The following NCAM1 variants were observed in gnomAD, a reference collection of about 807,000 sequenced individuals.
NCAM1 encodes the protein antigen recognized by monoclonal antibody 5.1H11.
NCAM1 carries 14 observed loss-of-function variants against 109.8 expected under a neutral mutation model. The observed-to-expected ratio is 0.13, with a 90% confidence interval of 0.08 to 0.20. The LOEUF (loss-of-function observed/expected upper bound fraction) is 0.20. Ranked by LOEUF, NCAM1 falls within the 10% of genes least tolerant of loss-of-function variation. NCAM1 has a pLI of 1.00. For missense variants in NCAM1, 774 were observed against 1,109.9 expected (o/e 0.70, Z 4.30); for synonymous variants, 418 against 442.9 (o/e 0.94, Z 0.70).
chr11:113,207,844 A>G lies in NCAM1; in HGVS notation c.758A>G (p.Gln253Arg). 6.2e-7 allele frequency: 1 copy of G among 1,610,344 alleles called. No homozygotes were observed. Among genetic ancestry groups the G allele is most frequent in the Non-Finnish European group, 8.5e-7 (1 of 1,178,266 alleles). Residue 253 changes from glutamine to arginine, a missense_variant, in exon 7 of 20, where the codon CAG becomes CGG. Physicochemically the swap from Gln to Arg is conservative, Grantham distance 43 (BLOSUM62 1). Coordinates refer to ENST00000316851, the MANE Select transcript of NCAM1 (RefSeq NM_181351.5). ...PTMSWTKDGEQIEQEEDDEKY... is the reference protein window; with the variant it reads ...PTMSWTKDGERIEQEEDDEKY... ...TCTACATGCTCTAGGGATGGGGAAC[A>G]GATAGAGCAAGAGGAAGACGATGAG...
chr11:113,168,003 A>C (rs1403688599), intron 1 of NCAM1, among the ~76,000 whole-genome samples: 6 of 152,180 alleles, frequency 3.9e-5, no homozygotes, highest in Admixed American at 2.6e-4. Context: ...TTAGGGTGTG[A>C]CTGGATTCTG....
At chr11:113,104,691 T>C (rs1462325156) in intron 1 of NCAM1, among the ~76,000 whole-genome samples, 2 of 152,178 alleles carry the variant, frequency 1.3e-5, no homozygotes, top group Non-Finnish European at 2.9e-5. Context: ...TTGTCCTACA[T>C]AGCCTTATAA....
Position 113,185,591 on chromosome 11 carries a change from A to T in NCAM1, c.53-16788A>T, listed in dbSNP as rs187809320. 3.9e-5 allele frequency among the ~76,000 whole-genome samples: 6 copies of T among 152,348 alleles called. No homozygotes were observed. The East Asian group carries it at 1.2e-3, about 29-fold the overall frequency. On this transcript the variant is annotated intron_variant, in intron 1 of 19. Transcript: ENST00000316851. ...TACTTCCTAAAGTGTTACAGGGACA[A>T]ACGTGAAAACAAATGCATGAAATGG... is the stretch of plus-strand genomic sequence containing the variant.
At chr11:113,045,680 T>G (rs1301314306) in intron 1 of NCAM1, among the ~76,000 whole-genome samples, 1 of 152,256 alleles carries the variant, frequency 6.6e-6, no homozygotes, top group South Asian at 2.1e-4. Flanking sequence ...ATGAGAGAGA[T>G]AATATTTCTG....
intron 1 of NCAM1, among the ~76,000 whole-genome samples, chr11:113,183,298 C>G (rs1047890816): frequency 5.3e-5 from 8 of 152,214 alleles, no homozygotes; most frequent in African/African-American, 1.9e-4. Flanking sequence ...TCCGGATGCC[C>G]TGCCACGTGT....
intron 1 of NCAM1, among the ~76,000 whole-genome samples, chr11:113,038,133 T>G (rs1940735): frequency 0.27 from 40,408 of 152,002 alleles, 5,912 homozygotes; most frequent in East Asian, 0.53. Context: ...CAGCCAAAAA[T>G]GAAGTCCAGG....
chr11:113,003,351 A>T (rs1325222040), intron 1 of NCAM1, among the ~76,000 whole-genome samples: 3 of 152,234 alleles, frequency 2.0e-5, no homozygotes, highest in Non-Finnish European at 2.9e-5. Flanking sequence ...GTCCCAAATA[A>T]TTCATAGTGC....
At chr11:112,988,906 C>T (rs965830235) in intron 1 of NCAM1, among the ~76,000 whole-genome samples, 2 of 152,144 alleles carry the variant, frequency 1.3e-5, no homozygotes, top group African/African-American at 4.8e-5. Flanking sequence ...CACCACCACA[C>T]CTGGCCAATT....
chr11:113,078,864 T>C (rs1389754993), intron 1 of NCAM1, among the ~76,000 whole-genome samples: 1 of 152,252 alleles, frequency 6.6e-6, no homozygotes, highest in East Asian at 1.9e-4. Flanking sequence ...ATTGAGATGA[T>C]CCACTTATAT....
intron 1 of NCAM1, among the ~76,000 whole-genome samples, chr11:113,012,376 T>C (rs1186867161): frequency 6.6e-6 from 1 of 152,104 alleles, no homozygotes; most frequent in Non-Finnish European, 1.5e-5. Flanking sequence ...TGAATATAGG[T>C]TGTACACTAG....
intron 3 of NCAM1, 28 bp downstream of exon 3, chr11:113,204,532 C>T (rs2136919036): frequency 6.2e-7 from 1 of 1,604,540 alleles, no homozygotes; most frequent in East Asian, 2.2e-5. Flanking sequence ...CTTCTGCATT[C>T]TCTGGCCTCT....
chr11:113,041,095 T>A (rs1277891168), intron 1 of NCAM1: 1 of 152,204 alleles, frequency 6.6e-6, no homozygotes, highest in Non-Finnish European at 1.5e-5. Context: ...TGGTACAGAG[T>A]ATAAGTGGAG....
chr11:113,179,676 C>T (rs1011393312), intron 1 of NCAM1, among the ~76,000 whole-genome samples: 2 of 152,128 alleles, frequency 1.3e-5, no homozygotes, highest in Non-Finnish European at 2.9e-5. Context: ...TCTCATCCCC[C>T]GAAGGCAGGA....
intron 9 of NCAM1, among the ~76,000 whole-genome samples, chr11:113,230,421 C>T (rs17115204): frequency 0.079 from 12,065 of 152,216 alleles, 1,052 homozygotes; most frequent in African/African-American, 0.2. Flanking sequence ...CATTGGGGCT[C>T]AGATGACCGG....
chr11:113,162,150 G>A (rs1191698560), intron 1 of NCAM1, among the ~76,000 whole-genome samples: 1 of 152,158 alleles, frequency 6.6e-6, no homozygotes, highest in Non-Finnish European at 1.5e-5. Flanking sequence ...GCCTGAGATG[G>A]TTATGGTGTG....
chr11:113,159,174 T>C (rs1555103927), intron 1 of NCAM1, among the ~76,000 whole-genome samples: 1 of 152,222 alleles, frequency 6.6e-6, no homozygotes, highest in African/African-American at 2.4e-5. Context: ...TTGTTGCAGC[T>C]TATTTGTAAA....
intron 15 of NCAM1, among the ~76,000 whole-genome samples, chr11:113,252,455 A>G (rs2137534256): frequency 6.6e-6 from 1 of 151,938 alleles, no homozygotes; most frequent in South Asian, 2.1e-4. Flanking sequence ...TCCGTCCAAG[A>G]ACCTCATCAT....
Position 113,211,560 on chromosome 11 carries a change from T to TGAA in NCAM1, c.917-2804_917-2802dup, listed in dbSNP as rs373862804. 4.3e-3 allele frequency among the ~76,000 whole-genome samples: 648 copies of TGAA among 152,336 alleles called. 12 individuals carry two copies. The highest frequency in any genetic ancestry group is 0.022 in the South Asian group (107 of 4,834). On this transcript the variant is annotated intron_variant, in intron 7 of 19. Coordinates refer to ENST00000316851, the MANE Select transcript of NCAM1 (RefSeq NM_181351.5). ...TTACTGTTGTCCCTACACGTGCCCC[T>TGAA]GAAGAAGTTTTGTCTCTATTGATTC...
intron 1 of NCAM1, 67 bp from the exon 2 acceptor site, chr11:113,202,312 G>C (rs374137359): frequency 1.4e-6 from 2 of 1,449,110 alleles, no homozygotes; most frequent in Non-Finnish European, 1.9e-6. Context: ...TGGAATGTAC[G>C]TTTGAACTGA....
Sources: gnomAD v4.1 joint callset for allele counts (sites outside exome capture counted in the v4.1 genomes callset) on GRCh38, gnomAD v4.1.1 for gene constraint, MANE v1.5 for transcripts, NCBI Gene and HGNC (gene_info 2026-07-23, HGNC 2026-07-21) for gene names.